The following HDAC9 variants were observed in gnomAD, a reference collection of about 807,000 sequenced individuals.
HDAC9 encodes the protein MEF-2 interacting transcription repressor (MITR) protein.
HDAC9 carries 41 observed loss-of-function variants against 139.4 expected under a neutral mutation model. The ratio of observed to expected loss-of-function variants is 0.29; its 90% CI spans 0.23 to 0.38. The LOEUF is 0.38. Among genes scored for constraint, HDAC9 ranks in the 10% least tolerant of loss-of-function variants. HDAC9 has a pLI of 1.00. For synonymous variants in HDAC9, 517 were observed against 476.2 expected, an observed-to-expected ratio of 1.09 and a Z score of -1.12; for missense variants, 1,147 against 1,297.0, an observed-to-expected ratio of 0.88 and a Z score of 1.78.
chr7:18,839,814 A>G (rs970779442), intron 21 of HDAC9, among the ~76,000 whole-genome samples: 4 of 152,140 alleles, frequency 2.6e-5, no homozygotes, highest in Non-Finnish European at 2.9e-5. Context: ...TCTACAGTCC[A>G]TTGATGAGGA....
At chr7:18,590,137 A>C (rs1005258037) in intron 3 of HDAC9, among the ~76,000 whole-genome samples, 199 bp from the exon 4 acceptor site, 2 of 152,178 alleles carry the variant, frequency 1.3e-5, no homozygotes, top group Non-Finnish European at 2.9e-5. Flanking sequence ...AGCTACCTAA[A>C]ACTTGCCTGT....
At chr7:18,841,742 T>G (rs1049160597) in intron 21 of HDAC9, among the ~76,000 whole-genome samples, 1 of 152,164 alleles carries the variant, frequency 6.6e-6, no homozygotes, top group African/African-American at 2.4e-5. Context: ...ACATCTAAAC[T>G]GGTAAGTGCC....
At position 18,585,243 on chromosome 7, in the gene HDAC9, C is replaced by T. The variant is rs139937348; in HGVS notation, c.23-38C>T. 21 of 1,599,740 alleles carry T rather than the reference C, an allele frequency of 1.3e-5. No homozygotes were observed. The South Asian group carries it at 2.2e-4, about 17-fold the overall frequency. ...TGCTAATTTCCAATCTTCTATTACC[C>T]TCCCCCACCCCATTTCCCTTTTTTT... is the stretch of plus-strand genomic sequence containing the variant. On this transcript the variant is annotated intron_variant, in intron 2 of 25. Coordinates refer to ENST00000686413, the MANE Select transcript of HDAC9 (RefSeq NM_178425.4).
At chr7:18,608,803 G>T (rs1726599) in intron 6 of HDAC9, among the ~76,000 whole-genome samples, 35,733 of 151,942 alleles carry the variant, frequency 0.24, 6,325 homozygotes, top group African/African-American at 0.49. Context: ...TGACATTAAG[G>T]AGCTCACAGT....
intron 2 of HDAC9, among the ~76,000 whole-genome samples, chr7:18,244,156 C>G (rs1374673906): frequency 6.6e-6 from 1 of 151,436 alleles, no homozygotes; most frequent in Non-Finnish European, 1.5e-5. Context: ...AACAGCTGAG[C>G]AAGGGTAAAA....
At chr7:18,347,906 G>T (rs1258088767) in intron 1 of HDAC9, among the ~76,000 whole-genome samples, 1 of 152,096 alleles carries the variant, frequency 6.6e-6, no homozygotes, top group Non-Finnish European at 1.5e-5. Flanking sequence ...GTATCTCAGT[G>T]CCCTCTGTTT....
intron 11 of HDAC9, among the ~76,000 whole-genome samples, chr7:18,657,900 T>C (rs1791754642): frequency 6.6e-6 from 1 of 152,100 alleles, no homozygotes; most frequent in Non-Finnish European, 1.5e-5. Flanking sequence ...CTCCCTTGCC[T>C]TCATCATCTC....
At chr7:18,173,838 C>T (rs1054106416) in intron 2 of HDAC9, among the ~76,000 whole-genome samples, 2 of 152,180 alleles carry the variant, frequency 1.3e-5, no homozygotes, top group African/African-American at 4.8e-5. Context: ...GGCTTCCCTT[C>T]GTGAGTGATC....
At chr7:18,219,910 A>G (rs1279231703) in intron 2 of HDAC9, among the ~76,000 whole-genome samples, 1 of 152,198 alleles carries the variant, frequency 6.6e-6, no homozygotes, top group Non-Finnish European at 1.5e-5. Flanking sequence ...CGCTTATTTT[A>G]TAGTCAACTC....
At chr7:18,533,419 T>C (rs1203494306) in intron 2 of HDAC9, among the ~76,000 whole-genome samples, 4 of 152,184 alleles carry the variant, frequency 2.6e-5, no homozygotes, top group African/African-American at 7.2e-5. Flanking sequence ...TATTTTACAA[T>C]AGCTTATATT....
At chr7:18,744,887 A>G (rs1278301346) in intron 13 of HDAC9, among the ~76,000 whole-genome samples, 1 of 152,132 alleles carries the variant, frequency 6.6e-6, no homozygotes, top group Non-Finnish European at 1.5e-5. Flanking sequence ...TATTTTCTAC[A>G]TATATACGTA....
At chr7:18,483,536 G>T (rs1251263734) in intron 1 of HDAC9, among the ~76,000 whole-genome samples, 1 of 152,164 alleles carries the variant, frequency 6.6e-6, no homozygotes, top group Non-Finnish European at 1.5e-5. Context: ...GGGAAAGAGG[G>T]TTTTTGGAAT....
At chr7:18,833,041 A>G (rs1006569116) in intron 19 of HDAC9, among the ~76,000 whole-genome samples, 1 of 152,152 alleles carries the variant, frequency 6.6e-6, no homozygotes, top group Admixed American at 6.6e-5. Flanking sequence ...CAGCCTTAAA[A>G]AAAATGATAT....
chr7:18,394,409 A>G (rs1786835481), intron 1 of HDAC9, among the ~76,000 whole-genome samples: 1 of 152,156 alleles, frequency 6.6e-6, no homozygotes, highest in Admixed American at 6.6e-5. Context: ...AATGCCATAA[A>G]ATATTATTCT....
chr7:18,350,894 G>C (rs1782795498), intron 1 of HDAC9, among the ~76,000 whole-genome samples: 1 of 152,092 alleles, frequency 6.6e-6, no homozygotes, highest in African/African-American at 2.4e-5. Flanking sequence ...CTTTCCCAGG[G>C]GCCTTCTAGT....
At chr7:18,535,105 A>T (rs917295870) in intron 2 of HDAC9, among the ~76,000 whole-genome samples, 1 of 152,132 alleles carries the variant, frequency 6.6e-6, no homozygotes, top group Admixed American at 6.5e-5. Flanking sequence ...GCTGTTAATC[A>T]CTATCCAACT....
In HDAC9 at chr7:18,666,259, T is replaced by C; in HGVS notation, c.1514T>C (p.Leu505Pro). 1 of 1,613,354 alleles carries C rather than the reference T, an allele frequency of 6.2e-7. No homozygotes were observed. The highest frequency in any genetic ancestry group is 1.1e-5 in the South Asian group (1 of 91,056). The part of the protein sequence containing the change: ...IEQLKQPGSH[L>P]EEAEEELQGD... ...CAACTGAAGCAACCAGGCAGTCACC[T>C]TGAGGAAGCAGAGGAAGAGCTTCAG... Residue 505 changes from leucine to proline, a missense_variant, in exon 12 of 26, where the codon CTT (leucine) becomes CCT (proline). Leu to Pro is a moderately conservative substitution (Grantham distance 98, BLOSUM62 -3). Coordinates refer to ENST00000686413, the MANE Select transcript of HDAC9 (RefSeq NM_178425.4).
intron 1 of HDAC9, among the ~76,000 whole-genome samples, chr7:18,103,010 A>T (rs1584052494): frequency 6.6e-6 from 1 of 152,238 alleles, no homozygotes; most frequent in Admixed American, 6.5e-5. Context: ...TGGGTAATTT[A>T]TAAAGGAATG....
At chr7:18,737,606 G>A (rs181591326) in intron 13 of HDAC9, among the ~76,000 whole-genome samples, 1 of 152,236 alleles carries the variant, frequency 6.6e-6, no homozygotes, top group Admixed American at 6.5e-5. Context: ...TAATTTGATT[G>A]CACTGTTGTC....
Sources: allele counts gnomAD v4.1 joint callset (sites outside exome capture counted in the v4.1 genomes callset), GRCh38; gene constraint gnomAD v4.1.1; transcripts MANE v1.5; gene names NCBI Gene and HGNC (gene_info 2026-07-23, HGNC 2026-07-21).